ZNF727: variants seen among roughly 807,000 people sequenced by gnomAD.
ZNF727 encodes zinc finger protein 727, also known as putative zinc finger protein 727.
In ZNF727, 11 loss-of-function variants were observed where a neutral mutation model predicts 11.5. The observed-to-expected ratio is 0.95, with a 90% confidence interval of 0.60 to 1.58. The LOEUF (loss-of-function observed/expected upper bound fraction) is 1.58. Ranked by LOEUF, ZNF727 falls within the 40% of genes most tolerant of loss-of-function variation. The probability of loss-of-function intolerance (pLI) is 0.00; values close to 1 mark genes in which losing one functional copy is unlikely to be tolerated. For synonymous variants in ZNF727, 171 were observed against 196.1 expected (o/e 0.87, Z 1.07); for missense variants, 533 against 581.7 (o/e 0.92, Z 0.86).
chr7:64,078,138 G>A lies in ZNF727; in HGVS notation c.1089G>A (p.Met363Ile). ...STLISHKRIH[M>I]ELRPYKCEEC... ...TTATTAGCCACAAGAGAATTCATAT[G>A]GAATTGAGACCTTACAAATGTGAAG... is the stretch of plus-strand genomic sequence containing the variant. The change falls in exon 4 of 4, where the codon ATG (methionine) becomes ATA (isoleucine). Residue 363 changes from methionine (M) to isoleucine (I), a missense_variant. This residue lies in a region of ZNF727 where 463 missense variants were observed against 494.5 expected (regional missense o/e 0.94). Transcript: ENST00000456806. 1.3e-6 allele frequency: 2 copies of A among 1,598,832 alleles called. No homozygotes were observed. The highest frequency in any genetic ancestry group is 1.7e-6 in the Non-Finnish European group (2 of 1,172,464).
At chr7:64,049,389 CTCT>C (rs956791125) in intron 1 of ZNF727, among the ~76,000 whole-genome samples, 6 of 151,866 alleles carry the variant, frequency 4.0e-5, no homozygotes, top group African/African-American at 1.4e-4. Flanking sequence ...AAACCACATC[CTCT>C]TGTCTCTTTC....
chr7:64,070,788 C>G (rs1339411734), intron 3 of ZNF727, among the ~76,000 whole-genome samples: 1 of 151,982 alleles, frequency 6.6e-6, no homozygotes, highest in African/African-American at 2.4e-5. Context: ...TTCCCCACCT[C>G]TAGGGCCTAG....
Position 64,078,459 on chromosome 7 carries a change from C to T in ZNF727, c.1410C>T (p.His470=), listed in dbSNP as rs544216590. ...CCTGCTCCTCAAGCCTTATTAAACA[C>T]AAGAGAAGTCATACTGGAGACAGAC... ...TFTCSSSLIK[H]KRSHTGDRPT... is the part of the protein sequence containing the mutation. Residue 470 remains histidine, a synonymous_variant, in exon 4 of 4, where the codon CAC becomes CAT. Coordinates refer to ENST00000456806, the MANE Select transcript of ZNF727 (RefSeq NM_001159522.3). 27 of 1,571,776 alleles carry T rather than the reference C, an allele frequency of 1.7e-5. No homozygotes were observed. The African/African-American group carries it at 2.4e-4, about 14-fold the overall frequency.
chr7:64,083,089 G>A lies in ZNF727; in HGVS notation c.*4540G>A, dbSNP rs7800439. 0.65 allele frequency among the ~76,000 whole-genome samples: 98,677 copies of A among 152,036 alleles called. 32,434 individuals carry two copies. Among genetic ancestry groups the A allele is most frequent in the Admixed American group, 0.73 (11,086 of 15,282 alleles). On this transcript the variant is annotated 3_prime_UTR_variant, in exon 4 of 4. Transcript: ENST00000456806. ...GATTCAAAACTCCACTGATCAAAGA[G>A]CACCTGTGGTGGTAGCTGGAGACCC...
chr7:64,069,523 T>C lies in ZNF727; in HGVS notation c.140T>C (p.Ile47Thr). 6.4e-7 allele frequency: 1 copy of C among 1,555,760 alleles called. No individual in the cohort carries two copies. Among genetic ancestry groups the C allele is most frequent in the Non-Finnish European group, 8.7e-7 (1 of 1,148,810 alleles). ...YGNLFSLGLA[I>T]FKPDLITYLE... ...TTTTCTAATAAAACAGGTCTTGCTATCTTTAAGCCAGACTTGATTACCTAT... is the reference window on the plus strand; with the variant it reads ...TTTTCTAATAAAACAGGTCTTGCTACCTTTAAGCCAGACTTGATTACCTAT... Residue 47 changes from isoleucine to threonine, a missense_variant, in exon 3 of 4, where the codon ATC becomes ACC. Physicochemically the swap from Ile to Thr is moderately conservative, Grantham distance 89. Coordinates refer to ENST00000456806, the MANE Select transcript of ZNF727 (RefSeq NM_001159522.3).
At chr7:64,047,251 G>A (rs1789522557) in intron 1 of ZNF727, among the ~76,000 whole-genome samples, 1 of 152,116 alleles carries the variant, frequency 6.6e-6, no homozygotes, top group Admixed American at 6.5e-5. Context: ...CCCCAATGCC[G>A]ACTATCCCTG....
chr7:64,069,999 T>TAAAAACAGAAC (rs1210784528), intron 3 of ZNF727, among the ~76,000 whole-genome samples: 3 of 152,070 alleles, frequency 2.0e-5, no homozygotes, highest in Non-Finnish European at 4.4e-5. Context: ...TTAAGTTCTG[T>TAAAAACAGAAC]TTTTGGATAA....
rs2861509 is a variant in ZNF727, at chr7:64,081,367, G to A, written c.*2818G>A. 0.65 allele frequency among the ~76,000 whole-genome samples: 98,447 copies of A among 151,886 alleles called. 32,329 individuals are homozygous for A. Among genetic ancestry groups the A allele is most frequent in the Admixed American group, 0.72 (11,063 of 15,266 alleles). Reference sequence around the variant, plus strand: ...GGTGGGGCTTTCTGGCTCTCTACCCGCCAAAGCTTCATCTACAATAGCAAT... The same window carrying A: ...GGTGGGGCTTTCTGGCTCTCTACCCACCAAAGCTTCATCTACAATAGCAAT... On this transcript the variant is annotated 3_prime_UTR_variant, in exon 4 of 4. Transcript: ENST00000456806.
chr7:64,070,008 A>G (rs1789936088), intron 3 of ZNF727, among the ~76,000 whole-genome samples: 2 of 152,160 alleles, frequency 1.3e-5, no homozygotes, highest in African/African-American at 4.8e-5. Flanking sequence ...GTTTTTGGAT[A>G]ATGTCTAAAT....
At chr7:64,047,715 TTCC>T (rs1789530890) in intron 1 of ZNF727, among the ~76,000 whole-genome samples, 1 of 150,506 alleles carries the variant, frequency 6.6e-6, no homozygotes, top group South Asian at 2.1e-4. Context: ...TGATACACCC[TTCC>T]TCTAAAAAGC....
At position 64,082,556 on chromosome 7, in the gene ZNF727, G is replaced by T. The variant is rs976017315; in HGVS notation, c.*4007G>T. 6.6e-6 allele frequency among the ~76,000 whole-genome samples: 1 copy of T among 152,196 alleles called. No homozygotes were observed. On this transcript the variant is annotated 3_prime_UTR_variant, in exon 4 of 4. Transcript: ENST00000456806. Reference sequence around the variant, plus strand: ...CTGTTGAAAGGTCTTACCCAGTGAGGAGAACATGACTGGGGACCCACTTAA... The same window carrying T: ...CTGTTGAAAGGTCTTACCCAGTGAGTAGAACATGACTGGGGACCCACTTAA...
chr7:64,045,740 C>A, intron 1 of ZNF727, 116 bp downstream of exon 1: 2 of 1,365,494 alleles, frequency 1.5e-6, no homozygotes, highest in South Asian at 1.4e-5. Flanking sequence ...TCCGAGTCCC[C>A]GTGGGCACAG....
chr7:64,058,950 C>CTTTTTTT lies in ZNF727; in HGVS notation c.4-9935_4-9929dup, dbSNP rs560995822. ...CTATTGCTTATGGCTATTGCATTGT[C>CTTTTTTT]TTTTTTTTTTTTGAGACGGAGTCTC... On this transcript the variant is annotated intron_variant, in intron 1 of 3. Transcript: ENST00000456806. 4.1e-5 allele frequency among the ~76,000 whole-genome samples: 6 copies of CTTTTTTT among 145,406 alleles called. No homozygotes were observed. The East Asian group carries it at 1.3e-3, about 32-fold the overall frequency.
chr7:64,053,939 A>G (rs1450924129), intron 1 of ZNF727, among the ~76,000 whole-genome samples: 1 of 152,158 alleles, frequency 6.6e-6, no homozygotes, highest in Non-Finnish European at 1.5e-5. Context: ...GTTGTGTCTA[A>G]TTTCTCATTG....
chr7:64,052,378 C>CTTTT (rs56215284), intron 1 of ZNF727, among the ~76,000 whole-genome samples: 4 of 130,400 alleles, frequency 3.1e-5, no homozygotes, highest in Non-Finnish European at 4.9e-5. Flanking sequence ...ATTTCTCTCT[C>CTTTT]TTTTTTTTTT....
In ZNF727 at chr7:64,080,306, T is replaced by C. The variant is rs943037389; in HGVS notation, c.*1757T>C. 6.6e-6 allele frequency among the ~76,000 whole-genome samples: 1 copy of C among 152,178 alleles called. No homozygotes were observed. The highest frequency in any genetic ancestry group is 1.5e-5 in the Non-Finnish European group (1 of 68,024). ...CACTCTCTTTAATTATAGATTTGGT[T>C]TATTTACATAATCTGTTATTTCTTG... On this transcript the variant is annotated 3_prime_UTR_variant, in exon 4 of 4. Transcript: ENST00000456806.
Position 64,084,768 on chromosome 7 carries a change from G to A in ZNF727, c.*6219G>A, listed in dbSNP as rs575484617. Among the ~76,000 whole-genome samples, 3 of 152,166 alleles carry A rather than the reference G, an allele frequency of 2.0e-5. No homozygotes were observed. The highest frequency in any genetic ancestry group is 4.1e-4 in the South Asian group (2 of 4,826). On this transcript the variant is annotated 3_prime_UTR_variant, in exon 4 of 4. Transcript: ENST00000456806. Reference sequence around the variant, plus strand: ...TTTACATCAATTTAAATATACAAATGTATCACTGTAAAATAAACTTTAAGT... The same window carrying A: ...TTTACATCAATTTAAATATACAAATATATCACTGTAAAATAAACTTTAAGT...
At chr7:64,051,609 A>G (rs1837345) in intron 1 of ZNF727, among the ~76,000 whole-genome samples, 115,380 of 152,090 alleles carry the variant, frequency 0.76, 43,884 homozygotes, top group Admixed American at 0.79. Context: ...TATTCACTGA[A>G]ATAAAATTTT....
chr7:64,050,069 T>TTC (rs1789566901), intron 1 of ZNF727, among the ~76,000 whole-genome samples: 1 of 151,848 alleles, frequency 6.6e-6, no homozygotes. Flanking sequence ...ATATATATTT[T>TTC]TCTATATATA....
Sources: allele counts gnomAD v4.1 joint callset (sites outside exome capture counted in the v4.1 genomes callset), GRCh38; gene constraint gnomAD v4.1.1; regional missense constraint gnomAD v4.1.1; transcripts MANE v1.5; gene names NCBI Gene and HGNC (gene_info 2026-07-23, HGNC 2026-07-21).